The following RASSF8 variants were observed in gnomAD, a reference collection of about 807,000 sequenced individuals.
RASSF8 encodes the protein Ras association domain family member 8, also known as ras association domain-containing protein 8.
In RASSF8, 22 loss-of-function variants were observed where a neutral mutation model predicts 48.5. The ratio of observed to expected loss-of-function variants is 0.45; its 90% CI spans 0.32 to 0.65. The LOEUF is 0.65. Ranked by LOEUF, RASSF8 falls within the 30% of genes least tolerant of loss-of-function variation. The pLI is 0.03. For synonymous variants in RASSF8, 127 were observed against 171.5 expected, an observed-to-expected ratio of 0.74 and a Z score of 2.03; for missense variants, 418 against 489.2, an observed-to-expected ratio of 0.85 and a Z score of 1.37.
intron 1 of RASSF8, among the ~76,000 whole-genome samples, chr12:25,964,509 CTGT>C (rs1941312158): frequency 6.6e-6 from 1 of 152,130 alleles, no homozygotes; most frequent in African/African-American, 2.4e-5. Flanking sequence ...TATTTTGTCA[CTGT>C]TGTTATATTT....
At chr12:26,001,789 A>G (rs1174646501) in intron 2 of RASSF8, among the ~76,000 whole-genome samples, 4 of 146,596 alleles carry the variant, frequency 2.7e-5, no homozygotes, top group Admixed American at 1.4e-4. Flanking sequence ...AGTTAACTTA[A>G]AAAAAAAAAG....
intron 2 of RASSF8, among the ~76,000 whole-genome samples, chr12:26,024,196 T>G (rs1942852766): frequency 6.6e-6 from 1 of 152,190 alleles, no homozygotes; most frequent in South Asian, 2.1e-4. Context: ...AGATGAGGTC[T>G]TGCTCTGTTG....
intron 2 of RASSF8, among the ~76,000 whole-genome samples, chr12:26,003,009 TAG>T (rs576122590): frequency 1.3e-5 from 2 of 152,350 alleles, no homozygotes; most frequent in African/African-American, 4.8e-5. Context: ...CTCATTCATC[TAG>T]AGTTAATTTT....
intron 2 of RASSF8, among the ~76,000 whole-genome samples, chr12:26,045,284 A>G (rs1245683752): frequency 6.6e-6 from 1 of 152,148 alleles, no homozygotes; most frequent in Non-Finnish European, 1.5e-5. Context: ...ATATTTTATC[A>G]ACTGAATAAG....
At chr12:25,958,471 T>G (rs1207853600), upstream of RASSF8, 1 of 151,158 alleles carries the variant, frequency 6.6e-6, no homozygotes, top group Non-Finnish European at 1.5e-5. Flanking sequence ...GGCGTCCCAG[T>G]TCCGTTACGA....
At chr12:26,035,707 T>C (rs1221217223) in intron 2 of RASSF8, among the ~76,000 whole-genome samples, 2 of 144,936 alleles carry the variant, frequency 1.4e-5, no homozygotes, top group Non-Finnish European at 3.0e-5. Flanking sequence ...TTTAAAGAAA[T>C]GTTAACTGTG....
chr12:26,048,413 G>A (rs974252741), intron 2 of RASSF8, among the ~76,000 whole-genome samples: 2 of 151,988 alleles, frequency 1.3e-5, no homozygotes, highest in African/African-American at 4.8e-5. Flanking sequence ...TAGAGAGGAG[G>A]GGGAAAAAAA....
rs541084555 is a variant in RASSF8, at chr12:25,996,090, G to T, written c.-109+960G>T. On this transcript the variant is annotated intron_variant, in intron 2 of 5. Transcript: ENST00000689635. ...TCCTCACCAGTTCAGTTGCCCTTTT[G>T]TAGACCCTGGTATGTTGCTTACAGC... is the stretch of plus-strand genomic sequence containing the variant. Among the ~76,000 whole-genome samples, 3 of 152,290 alleles carry T rather than the reference G, an allele frequency of 2.0e-5. 1 individual carries two copies. The East Asian group carries it at 5.8e-4, about 29-fold the overall frequency.
chr12:26,062,191 T>C (rs980242732), intron 3 of RASSF8, among the ~76,000 whole-genome samples: 4 of 152,190 alleles, frequency 2.6e-5, no homozygotes, highest in African/African-American at 9.7e-5. Context: ...CTAAAAGCAG[T>C]TGATAGGCAT....
At chr12:26,077,018 A>G (rs1944078749), downstream of RASSF8, among the ~76,000 whole-genome samples, 1 of 152,246 alleles carries the variant, frequency 6.6e-6, no homozygotes, top group Non-Finnish European at 1.5e-5. Flanking sequence ...ATGACCAGTG[A>G]TGATGAACAT....
chr12:26,039,885 A>G (rs1195184779), intron 2 of RASSF8, among the ~76,000 whole-genome samples: 1 of 151,586 alleles, frequency 6.6e-6, no homozygotes, highest in Non-Finnish European at 1.5e-5. Flanking sequence ...GATTTAATGA[A>G]TAAATAACTT....
chr12:25,963,620 G>A (rs1229234198), intron 1 of RASSF8, among the ~76,000 whole-genome samples: 1 of 152,082 alleles, frequency 6.6e-6, no homozygotes, highest in East Asian at 1.9e-4. Flanking sequence ...AGTGTGTGGG[G>A]GCACTTTGGA....
At chr12:26,012,682 C>CTTTTTT (rs775400464) in intron 2 of RASSF8, among the ~76,000 whole-genome samples, 1 of 131,802 alleles carries the variant, frequency 7.6e-6, no homozygotes, top group Non-Finnish European at 1.6e-5. Context: ...GGCCTTTTTT[C>CTTTTTT]TTTTTTTTTT....
At chr12:25,981,944 T>A (rs1420946685) in intron 1 of RASSF8, among the ~76,000 whole-genome samples, 1 of 152,248 alleles carries the variant, frequency 6.6e-6, no homozygotes, top group Non-Finnish European at 1.5e-5. Flanking sequence ...ATTTCAAGGA[T>A]ATGTTTCTTA....
intron 2 of RASSF8, among the ~76,000 whole-genome samples, chr12:26,016,941 C>T (rs1169052883): frequency 6.6e-6 from 1 of 152,076 alleles, no homozygotes; most frequent in Non-Finnish European, 1.5e-5. Context: ...CATTTATCTG[C>T]TGTGTACAAA....
intron 2 of RASSF8, among the ~76,000 whole-genome samples, chr12:26,036,467 TTATA>T (rs1335857583): frequency 6.6e-6 from 1 of 152,116 alleles, no homozygotes; most frequent in African/African-American, 2.4e-5. Context: ...AAAGTTATTT[TTATA>T]TATGGGCCAT....
chr12:26,031,848 T>G (rs543181811), intron 2 of RASSF8, among the ~76,000 whole-genome samples: 36 of 152,334 alleles, frequency 2.4e-4, no homozygotes, highest in Non-Finnish European at 5.9e-5. Context: ...CAGAGTAATC[T>G]AAAAAATCTG....
intron 1 of RASSF8, among the ~76,000 whole-genome samples, chr12:25,977,289 A>G (rs1941629270): frequency 6.6e-6 from 1 of 152,182 alleles, no homozygotes; most frequent in African/African-American, 2.4e-5. Context: ...GTTTGCATGG[A>G]TTCATCCTTG....
intron 2 of RASSF8, among the ~76,000 whole-genome samples, chr12:26,045,625 C>G (rs1943356465): frequency 6.6e-6 from 1 of 152,156 alleles, no homozygotes; most frequent in Non-Finnish European, 1.5e-5. Context: ...AAAGTTTTCA[C>G]ATTTACTTTA....
Sources: allele counts gnomAD v4.1 joint callset (sites outside exome capture counted in the v4.1 genomes callset), GRCh38; gene constraint gnomAD v4.1.1; transcripts MANE v1.5; gene names NCBI Gene and HGNC (gene_info 2026-07-23, HGNC 2026-07-21).